NPDC1: variants seen among roughly 807,000 people sequenced by gnomAD.
The protein encoded by NPDC1 is neural proliferation differentiation and control protein 1.
In NPDC1, 18 loss-of-function variants were observed where a neutral mutation model predicts 32.5. That is an observed-to-expected ratio of 0.55 (90% CI 0.38 to 0.82). The LOEUF (loss-of-function observed/expected upper bound fraction) is 0.82. Ranked by LOEUF, NPDC1 falls within the 40% of genes least tolerant of loss-of-function variation. The pLI is 0.00. For missense variants in NPDC1, 468 were observed against 406.6 expected, an observed-to-expected ratio of 1.15 and a Z score of -1.30; for synonymous variants, 210 against 184.7, an observed-to-expected ratio of 1.14 and a Z score of -1.11.
In NPDC1 at chr9:137,042,958, C is replaced by T. The variant is rs769448616; in HGVS notation, c.228G>A (p.Gly76=). The change falls in exon 2 of 9, where the codon GGG becomes GGA. Residue 76 remains glycine (G), a synonymous_variant. Coordinates refer to ENST00000371601, the MANE Select transcript of NPDC1 (RefSeq NM_015392.4). The part of the protein sequence containing the change: ...CLQPFQEDQQ[G]LCVPRMRRPP... ...GCCGGCGCATCCTGGGCACACAGAG[C>T]CCTTGCTGGTCCTCCTGGAAGGGCT... The T allele has an allele frequency of 6.2e-7, 1 of 1,610,090 alleles. No homozygotes were observed. Among genetic ancestry groups the T allele is most frequent in the East Asian group, 2.2e-5 (1 of 44,780 alleles).
intron 2 of NPDC1, 77 bp downstream of exon 2, chr9:137,042,850 G>A (rs1018133381): frequency 2.3e-5 from 35 of 1,513,524 alleles, no homozygotes; most frequent in East Asian, 2.0e-4. Context: ...GAGCCACCGC[G>A]CCCAGCCGGC....
intron 1 of NPDC1, 41 bp downstream of exon 1, chr9:137,045,837 C>T (rs1311884534): frequency 4.0e-6 from 4 of 992,988 alleles, no homozygotes; most frequent in Non-Finnish European, 3.6e-6. Flanking sequence ...CGATCCCGGC[C>T]CCGGGGCGCC....
In NPDC1 at chr9:137,040,980, G is replaced by A. The variant is rs1832040869; in HGVS notation, c.390C>T (p.Thr130=). The part of the protein sequence containing the change: ...KDRQRLPEPA[T]LGFSARGQGL... The stretch of plus-strand genomic sequence containing the variant: ...CCTGCCCCCGTGCCGAGAAGCCCAG[G>A]GTGGCTGCGAGAGAGGACAGGTTAG... Residue 130 remains threonine (T), a synonymous_variant, in exon 4 of 9, where the codon ACC becomes ACT. Transcript: ENST00000371601. The A allele has an allele frequency of 1.3e-6, 2 of 1,537,430 alleles. No homozygotes were observed. Among genetic ancestry groups the A allele is most frequent in the Middle Eastern group, 1.7e-4 (1 of 5,732 alleles).
At chr9:137,041,491 C>A in intron 2 of NPDC1, among the ~76,000 whole-genome samples, 1 of 152,194 alleles carries the variant, frequency 6.6e-6, no homozygotes, top group Middle Eastern at 3.2e-3. Flanking sequence ...GCCAGCACAG[C>A]CCCTTCTGCT....
chr9:137,040,482 C>G, intron 6 of NPDC1, 32 bp downstream of exon 6: 1 of 1,578,878 alleles, frequency 6.3e-7, no homozygotes, highest in Non-Finnish European at 8.6e-7. Flanking sequence ...CAGAGTTGGG[C>G]GGGAGCCTCA....
chr9:137,043,167 C>A lies in NPDC1; in HGVS notation c.113-94G>T, dbSNP rs529693400. 2.8e-6 allele frequency: 4 copies of A among 1,414,448 alleles called. No individual in the cohort carries two copies. The South Asian group carries it at 3.7e-5, about 13-fold the overall frequency. 87.6% of individuals were successfully genotyped at this position (1,414,448 alleles called of 1,614,324 possible). A position where few individuals can be genotyped will look rare whatever the true frequency, so the allele number is the denominator to read the frequency against. On this transcript the variant is annotated intron_variant, in intron 1 of 8. Coordinates refer to ENST00000371601, the MANE Select transcript of NPDC1 (RefSeq NM_015392.4). Reference sequence around the variant, plus strand: ...CTGCCCCAGCCACCCGCCCCCGTCACCCCCCGAGCTGGCCGGGCCTGGTTC... The same window carrying A: ...CTGCCCCAGCCACCCGCCCCCGTCAACCCCCGAGCTGGCCGGGCCTGGTTC...
intron 2 of NPDC1, 62 bp from the exon 3 acceptor site, chr9:137,041,249 C>A: frequency 2.2e-6 from 3 of 1,342,610 alleles, no homozygotes; most frequent in Non-Finnish European, 1.9e-6. Context: ...CCAGGCCCGG[C>A]CTCCCCGCTT....
At chr9:137,041,702 C>T (rs1489724144) in intron 2 of NPDC1, among the ~76,000 whole-genome samples, 1 of 152,060 alleles carries the variant, frequency 6.6e-6, no homozygotes, top group East Asian at 1.9e-4. Context: ...CCCAGGTTGG[C>T]AGGAGGTGCA....
rs371668544 is a variant in NPDC1, at chr9:137,041,234, T to C, written c.260-47A>G. 6.9e-5 allele frequency: 95 copies of C among 1,369,414 alleles called. 1 individual carries two copies. In the African/African-American group the frequency reaches 1.4e-3, roughly 20 times the overall value. 84.8% of individuals were successfully genotyped at this position (1,369,414 alleles called of 1,614,324 possible). On this transcript the variant is annotated intron_variant, in intron 2 of 8. Coordinates refer to ENST00000371601, the MANE Select transcript of NPDC1 (RefSeq NM_015392.4). ...CAGGTGGAGGGGTCCGTCCAGGAGGTAGCCCCAGGCCCGGCCTCCCCGCTT... is the reference window on the plus strand; with the variant it reads ...CAGGTGGAGGGGTCCGTCCAGGAGGCAGCCCCAGGCCCGGCCTCCCCGCTT...
rs777852493 is a variant in NPDC1 at position 137,041,055 on chromosome 9, G to C, written c.385+7C>G. On this transcript the variant is annotated splice_region_variant and intron_variant, in intron 3 of 8. Coordinates refer to ENST00000371601, the MANE Select transcript of NPDC1 (RefSeq NM_015392.4). ...GGGCCGTGGGGCAGGGGAAGCGGGGGTCTCACCAGGCTCCGGGAGCCGCTG... is the reference window on the plus strand; with the variant it reads ...GGGCCGTGGGGCAGGGGAAGCGGGGCTCTCACCAGGCTCCGGGAGCCGCTG... 21 of 1,520,330 alleles carry C rather than the reference G, an allele frequency of 1.4e-5. 1 individual carries two copies. The South Asian group carries it at 2.5e-4, about 18-fold the overall frequency. 94.2% of individuals were successfully genotyped at this position (1,520,330 alleles called of 1,614,324 possible). A position where few individuals can be genotyped will look rare whatever the true frequency, so the allele number is the denominator to read the frequency against.
At chr9:137,043,158 C>G in intron 1 of NPDC1, 85 bp from the exon 2 acceptor site, 4 of 1,435,548 alleles carry the variant, frequency 2.8e-6, no homozygotes, top group Non-Finnish European at 3.8e-6. Context: ...CAGCCACCCG[C>G]CCCCGTCACC....
At chr9:137,042,708 T>C (rs1335857292) in intron 2 of NPDC1, among the ~76,000 whole-genome samples, 7 of 152,088 alleles carry the variant, frequency 4.6e-5, no homozygotes, top group East Asian at 1.9e-4. Context: ...TACAGGTGTG[T>C]GCCACCACAC....
At chr9:137,042,863 C>T (rs1343681025) in intron 2 of NPDC1, 64 bp downstream of exon 2, 1 of 1,531,258 alleles carries the variant, frequency 6.5e-7, no homozygotes, top group African/African-American at 1.4e-5. Context: ...CAGCCGGCCG[C>T]TTCTTACAGG....
chr9:137,042,292 C>T (rs201877794), intron 2 of NPDC1, among the ~76,000 whole-genome samples: 5 of 152,226 alleles, frequency 3.3e-5, no homozygotes, highest in East Asian at 3.9e-4. Context: ...CTCGCTCTGC[C>T]GCCCAGGCTG....
Position 137,045,126 on chromosome 9 carries a change from C to T in NPDC1, c.112+752G>A, listed in dbSNP as rs112645345. ...GTCAGCTTTGCATCCTGGGTTCCTG[C>T]AGGGAGCTCTGCTCTCTGGACCCTC... On this transcript the variant is annotated intron_variant, in intron 1 of 8. Coordinates refer to ENST00000371601, the MANE Select transcript of NPDC1 (RefSeq NM_015392.4). Among the ~76,000 whole-genome samples the T allele has an allele frequency of 3.3e-3, 499 of 152,380 alleles. 3 individuals carry two copies. The highest frequency in any genetic ancestry group is 0.011 in the African/African-American group (467 of 41,590).
Position 137,040,027 on chromosome 9 carries a change from C to G in NPDC1, c.829G>C (p.Asp277His), listed in dbSNP as rs1832022094. Residue 277 changes from aspartate to histidine, a missense_variant, in exon 8 of 9, where the codon GAT becomes CAT. Transcript: ENST00000371601. ...AAGTCTCCGTCCTCATTCTCCTCAT[C>G]CGAGGAGGCCGTGTCCAGCTCCTTG... ...PPKELDTASS[D>H]EENEDGDFTV... 1.3e-6 allele frequency: 1 copy of G among 779,032 alleles called. No homozygotes were observed. Among genetic ancestry groups the G allele is most frequent in the Non-Finnish European group, 2.4e-6 (1 of 417,936 alleles). The allele number at this position is 779,032 out of a possible 1,614,324, so 48.3% of individuals were successfully genotyped here.
At chr9:137,045,811 C>G (rs1484176490) in intron 1 of NPDC1, 67 bp downstream of exon 1, 16 of 953,230 alleles carry the variant, frequency 1.7e-5, no homozygotes, top group Non-Finnish European at 2.0e-5. Flanking sequence ...CGCCCGGCAA[C>G]CCGGTCCCCG....
chr9:137,043,479 T>A (rs1342231169), intron 1 of NPDC1: 3 of 622,726 alleles, frequency 4.8e-6, no homozygotes, highest in Non-Finnish European at 8.9e-6. Context: ...AGGGCCCAGG[T>A]CTGTCTCTGG....
Position 137,040,586 on chromosome 9 carries a change from C to T in NPDC1, c.636G>A (p.Glu212=). ...AGTCGGCCTTCTGAGTCAGGCGGAT[C>T]TCACGCTGCAGCCTGTGGGGAGTGG... The part of the protein sequence containing the change: ...ASLCWCRLQR[E]IRLTQKADYA... Residue 212 remains glutamate (E), a synonymous_variant, in exon 6 of 9, where the codon GAG becomes GAA. Transcript: ENST00000371601. 1 of 1,573,506 alleles carries T rather than the reference C, an allele frequency of 6.4e-7. No individual in the cohort carries two copies. The highest frequency in any genetic ancestry group is 8.6e-7 in the Non-Finnish European group (1 of 1,165,316).
Sources: gnomAD v4.1 joint callset for allele counts (sites outside exome capture counted in the v4.1 genomes callset) on GRCh38, gnomAD v4.1.1 for gene constraint, MANE v1.5 for transcripts, NCBI Gene and HGNC (gene_info 2026-07-23, HGNC 2026-07-21) for gene names.